AKR1B15: variants seen among roughly 807,000 people sequenced by gnomAD.
The protein encoded by AKR1B15 is estradiol 17-beta-dehydrogenase AKR1B15.
In AKR1B15, 49 loss-of-function variants were observed where a neutral mutation model predicts 38.5. The observed-to-expected ratio is 1.27, with a 90% CI of 1.01 to 1.62. The LOEUF (loss-of-function observed/expected upper bound fraction) is 1.62, where lower values mean the gene tolerates loss of function less well. Among genes scored for constraint, AKR1B15 ranks in the 40% most tolerant of loss-of-function variants. The pLI is 0.00. For missense variants in AKR1B15, 411 were observed against 381.6 expected (o/e 1.08, Z -0.64); for synonymous variants, 137 against 135.5 (o/e 1.01, Z -0.08).
rs1381335826 is a variant in AKR1B15, at chr7:134,579,769, AT to A, written c.*226del. The A allele has an allele frequency of 1.6e-5, 8 of 492,854 alleles. No homozygotes were observed. Among genetic ancestry groups the A allele is most frequent in the Admixed American group, 1.2e-4 (3 of 25,102 alleles). The allele number at this position is 492,854 out of a possible 1,614,324, so 30.5% of individuals were successfully genotyped here. On this transcript the variant is annotated 3_prime_UTR_variant, in exon 12 of 12. Coordinates refer to ENST00000457545, the MANE Select transcript of AKR1B15 (RefSeq NM_001080538.3). ...GCATGGCCTGAATAAGCAAATGACA[AT>A]TTTTTCCACTTATCTGATCTGATCA... is the stretch of plus-strand genomic sequence containing the variant.
intron 3 of AKR1B15, among the ~76,000 whole-genome samples, chr7:134,567,032 T>C (rs1794552169): frequency 1.3e-5 from 2 of 152,172 alleles, no homozygotes; most frequent in Admixed American, 1.3e-4. Context: ...GTGGGGATGA[T>C]AGATTAAAGG....
chr7:134,565,209 C>G (rs1460060072), intron 3 of AKR1B15: 1 of 454,158 alleles, frequency 2.2e-6, no homozygotes, highest in Non-Finnish European at 3.9e-6. Context: ...TCCACACCAC[C>G]TTTAAGAGCT....
At chr7:134,565,224 C>T (rs188988975) in intron 3 of AKR1B15, 325 of 494,792 alleles carry the variant, frequency 6.6e-4, no homozygotes, top group Non-Finnish European at 8.3e-4. Flanking sequence ...AGAGCTACAA[C>T]GATCACCACG....
intron 6 of AKR1B15, among the ~76,000 whole-genome samples, chr7:134,572,852 A>T (rs1794694608): frequency 1.3e-5 from 2 of 152,170 alleles, no homozygotes; most frequent in South Asian, 4.1e-4. Context: ...TAACTCCAAG[A>T]GTTAATCATG....
intron 1 of AKR1B15, among the ~76,000 whole-genome samples, chr7:134,553,759 A>G (rs547341624): frequency 6.6e-6 from 1 of 152,322 alleles, no homozygotes; most frequent in East Asian, 1.9e-4. Context: ...CCTGTCCATG[A>G]CTGCCAAGAA....
At chr7:134,552,521 A>G (rs1207509863) in intron 1 of AKR1B15, among the ~76,000 whole-genome samples, 1 of 152,082 alleles carries the variant, frequency 6.6e-6, no homozygotes, top group Non-Finnish European at 1.5e-5. Context: ...AGCAACTATT[A>G]CAAGCTGGTA....
Position 134,571,630 on chromosome 7 carries a change from T to A in AKR1B15, c.462T>A (p.Asp154Glu), listed in dbSNP as rs1794669115. ...FKTGDDFFPK[D>E]DKGNMISGKG... The stretch of plus-strand genomic sequence containing the variant: ...CTGGGGATGACTTTTTCCCCAAAGA[T>A]GATAAAGGTAATATGATCAGTGGAA... The change falls in exon 6 of 12, where the codon GAT (aspartate) becomes GAA (glutamate). Residue 154 changes from aspartate (D) to glutamate (E), a missense_variant. Asp to Glu is a conservative substitution (Grantham distance 45). Coordinates refer to ENST00000457545, the MANE Select transcript of AKR1B15 (RefSeq NM_001080538.3). The A allele has an allele frequency of 6.2e-7, 1 of 1,613,742 alleles. No individual in the cohort carries two copies. The highest frequency in any genetic ancestry group is 8.5e-7 in the Non-Finnish European group (1 of 1,179,856).
At chr7:134,550,879 G>A (rs1793944130) in intron 1 of AKR1B15, among the ~76,000 whole-genome samples, 2 of 152,210 alleles carry the variant, frequency 1.3e-5, no homozygotes, top group Admixed American at 6.5e-5. Flanking sequence ...GCCCCCAGAC[G>A]GGTCACTACA....
intron 11 of AKR1B15, among the ~76,000 whole-genome samples, chr7:134,578,636 G>T (rs919655026): frequency 6.6e-6 from 1 of 152,226 alleles, no homozygotes; most frequent in Non-Finnish European, 1.5e-5. Context: ...TTACTGCGAG[G>T]TCTGCAATTC....
At chr7:134,567,841 G>T (rs1357299221) in intron 3 of AKR1B15, among the ~76,000 whole-genome samples, 1 of 152,114 alleles carries the variant, frequency 6.6e-6, no homozygotes, top group Non-Finnish European at 1.5e-5. Context: ...AGGACAAAAG[G>T]GCATAATCAT....
intron 1 of AKR1B15, among the ~76,000 whole-genome samples, chr7:134,556,246 A>G (rs770755030): frequency 3.3e-5 from 5 of 152,126 alleles, no homozygotes; most frequent in Non-Finnish European, 5.9e-5. Flanking sequence ...CCCCAGCTGC[A>G]ATGACAATAC....
intron 1 of AKR1B15, among the ~76,000 whole-genome samples, chr7:134,553,213 A>G (rs1794053439): frequency 6.6e-6 from 1 of 152,198 alleles, no homozygotes; most frequent in African/African-American, 2.4e-5. Flanking sequence ...GGTCGCCTAT[A>G]GATATTGGGG....
chr7:134,574,307 C>G (rs1399357744), intron 6 of AKR1B15, among the ~76,000 whole-genome samples: 1 of 152,178 alleles, frequency 6.6e-6, no homozygotes, highest in East Asian at 1.9e-4. Flanking sequence ...TTGCTCCTGC[C>G]TTCCTGCCTT....
At chr7:134,574,626 C>A (rs1242622534) in intron 6 of AKR1B15, among the ~76,000 whole-genome samples, 2 of 152,304 alleles carry the variant, frequency 1.3e-5, no homozygotes, top group East Asian at 3.9e-4. Context: ...AACTTCTGGG[C>A]AGGATCTAGA....
Position 134,571,659 on chromosome 7 carries a change from G to A in AKR1B15, c.491G>A (p.Gly164Glu), listed in dbSNP as rs759928163. 3 of 1,613,710 alleles carry A rather than the reference G, an allele frequency of 1.9e-6. No homozygotes were observed. The highest frequency in any genetic ancestry group is 1.7e-5 in the Admixed American group (1 of 59,940). ...DDKGNMISGK[G>E]TFLDAWEAME... ...AAAGGTAATATGATCAGTGGAAAAG[G>A]AACGTTCTTGGATGCCTGGGAGGTA... The change falls in exon 6 of 12, where the codon GGA becomes GAA. Residue 164 changes from glycine (G) to glutamate (E), a missense_variant. Physicochemically the swap from Gly to Glu is moderately conservative, Grantham distance 98 (BLOSUM62 -2). Coordinates refer to ENST00000457545, the MANE Select transcript of AKR1B15 (RefSeq NM_001080538.3).
Position 134,564,746 on chromosome 7 carries a change from C to A in AKR1B15, c.127C>A (p.Pro43Thr), listed in dbSNP as rs1794494602. ...TCTGAAGGACACTACAAGTGCAGGG[C>A]CCCTTCTTCGCCCCTATCCAGCAGT... Reference protein sequence around the residue: ...SLLKDTTSAGPLLRPYPASLL... With the variant: ...SLLKDTTSAGTLLRPYPASLL... The change falls in exon 3 of 12, where the codon CCC becomes ACC. Residue 43 changes from proline (P) to threonine (T), a missense_variant. Around this residue, in one of 3 missense-constraint regions of AKR1B15, gnomAD observed 254 missense variants for 212.4 expected, o/e 1.20. Coordinates refer to ENST00000457545, the MANE Select transcript of AKR1B15 (RefSeq NM_001080538.3). 2.9e-6 allele frequency: 2 copies of A among 688,842 alleles called. No homozygotes were observed. The highest frequency in any genetic ancestry group is 2.7e-5 in the East Asian group (1 of 36,918). 42.7% of individuals were successfully genotyped at this position (688,842 alleles called of 1,614,324 possible).
chr7:134,558,650 T>C (rs894953736), intron 2 of AKR1B15, among the ~76,000 whole-genome samples: 3 of 152,210 alleles, frequency 2.0e-5, no homozygotes, highest in African/African-American at 7.2e-5. Flanking sequence ...CTCCTATTGC[T>C]TGGTTAAGAA....
Position 134,577,801 on chromosome 7 carries a change from G to C in AKR1B15, c.992+15G>C, listed in dbSNP as rs751449788. 6.2e-7 allele frequency: 1 copy of C among 1,613,230 alleles called. No homozygotes were observed. Among genetic ancestry groups the C allele is most frequent in the East Asian group, 2.2e-5 (1 of 44,758 alleles). On this transcript the variant is annotated intron_variant, in intron 11 of 11. Transcript: ENST00000457545. ...GACTTCAAGGAGTAAGTGGCATGGAGTTAACTAGAAGAATTGCCAGGAGTT... is the reference window on the plus strand; with the variant it reads ...GACTTCAAGGAGTAAGTGGCATGGACTTAACTAGAAGAATTGCCAGGAGTT...
At chr7:134,562,245 C>T (rs1175217355) in intron 2 of AKR1B15, among the ~76,000 whole-genome samples, 1 of 152,170 alleles carries the variant, frequency 6.6e-6, no homozygotes, top group African/African-American at 2.4e-5. Flanking sequence ...TGGCACAGAC[C>T]CAAAGAGTGA....
Sources: gnomAD v4.1 joint callset for allele counts (sites outside exome capture counted in the v4.1 genomes callset) on GRCh38, gnomAD v4.1.1 for gene constraint, gnomAD v4.1.1 regional missense constraint, MANE v1.5 for transcripts, NCBI Gene and HGNC (gene_info 2026-07-23, HGNC 2026-07-21) for gene names.